RYK: variants seen among roughly 807,000 people sequenced by gnomAD.
RYK encodes inactive tyrosine-protein kinase RYK.
RYK carries 21 observed loss-of-function variants against 70.2 expected under a neutral mutation model. The ratio of observed to expected loss-of-function variants is 0.30; its 90% CI spans 0.21 to 0.43. The LOEUF (loss-of-function observed/expected upper bound fraction) is 0.43, where lower values mean the gene tolerates loss of function less well. Among genes scored for constraint, RYK ranks in the 20% least tolerant of loss-of-function variants. RYK has a pLI of 1.00. For synonymous variants in RYK, 267 were observed against 278.0 expected (o/e 0.96, Z 0.39); for missense variants, 604 against 753.3 (o/e 0.80, Z 2.32).
At chr3:134,234,042 A>G (rs1158358490) in intron 1 of RYK, among the ~76,000 whole-genome samples, 3 of 152,148 alleles carry the variant, frequency 2.0e-5, no homozygotes, top group Non-Finnish European at 4.4e-5. Flanking sequence ...GAATATAAAT[A>G]GTGGATTATG....
intron 1 of RYK, among the ~76,000 whole-genome samples, chr3:134,238,438 ACAACATAAATATACCCCTTCTT>A (rs1373934460): frequency 6.6e-6 from 1 of 152,194 alleles, no homozygotes; most frequent in Non-Finnish European, 1.5e-5. Context: ...ACAACAGCAG[ACAACATAAATATACCCCTTCTT>A]CCCCTCCGTC....
intron 13 of RYK, among the ~76,000 whole-genome samples, chr3:134,160,763 G>C (rs527314542): frequency 6.6e-6 from 1 of 152,310 alleles, no homozygotes; most frequent in African/African-American, 2.4e-5. Flanking sequence ...GCTGAAGCAG[G>C]AGAATCGCTT....
intron 9 of RYK, among the ~76,000 whole-genome samples, chr3:134,187,883 T>C (rs2013519564): frequency 1.3e-5 from 2 of 152,028 alleles, no homozygotes; most frequent in African/African-American, 4.8e-5. Context: ...TATTTAAGCT[T>C]TCACAAGCAT....
At chr3:134,187,855 C>T (rs1348746921) in intron 9 of RYK, among the ~76,000 whole-genome samples, 1 of 151,886 alleles carries the variant, frequency 6.6e-6, no homozygotes, top group Non-Finnish European at 1.5e-5. Flanking sequence ...CCACTGCACC[C>T]AGCTCTTAAT....
intron 1 of RYK, among the ~76,000 whole-genome samples, chr3:134,238,956 A>G (rs141245396): frequency 6.6e-6 from 1 of 152,258 alleles, no homozygotes; most frequent in East Asian, 1.9e-4. Context: ...ACATCCTCCA[A>G]TTGTAGCGTG....
chr3:134,169,836 T>C (rs1046133115), intron 13 of RYK, among the ~76,000 whole-genome samples: 2 of 152,178 alleles, frequency 1.3e-5, no homozygotes, highest in African/African-American at 4.8e-5. Context: ...GTATTTCACA[T>C]GTGTATAGAC....
At chr3:134,196,947 T>C (rs2013837409) in intron 6 of RYK, among the ~76,000 whole-genome samples, 1 of 152,190 alleles carries the variant, frequency 6.6e-6, no homozygotes, top group African/African-American at 2.4e-5. Flanking sequence ...CCCCCCAGCA[T>C]GCCTTCCCTG....
At chr3:134,161,797 GTT>G (rs2012479825) in intron 13 of RYK, among the ~76,000 whole-genome samples, 3 of 151,052 alleles carry the variant, frequency 2.0e-5, no homozygotes, top group Non-Finnish European at 4.4e-5. Flanking sequence ...ACTCAACACT[GTT>G]TGGTGAATTC....
intron 6 of RYK, among the ~76,000 whole-genome samples, chr3:134,200,293 A>G (rs1234834553): frequency 3.3e-5 from 5 of 152,170 alleles, no homozygotes; most frequent in Non-Finnish European, 4.4e-5. Flanking sequence ...TGAGACCACG[A>G]ACCCACCAGG....
chr3:134,241,525 T>C (rs955113794), intron 1 of RYK, among the ~76,000 whole-genome samples: 1 of 152,204 alleles, frequency 6.6e-6, no homozygotes, highest in African/African-American at 2.4e-5. Flanking sequence ...GGTTCTGATT[T>C]CAGAGACGTT....
chr3:134,238,979 A>G (rs963742166), intron 1 of RYK, among the ~76,000 whole-genome samples: 4 of 152,136 alleles, frequency 2.6e-5, no homozygotes, highest in Admixed American at 1.3e-4. Context: ...CCAACAGTCT[A>G]TTGAGAGACT....
chr3:134,199,695 T>C (rs1485038875), intron 6 of RYK, among the ~76,000 whole-genome samples: 1 of 152,162 alleles, frequency 6.6e-6, no homozygotes, highest in Non-Finnish European at 1.5e-5. Context: ...TGGTCACCAC[T>C]GTTAGCTTGC....
chr3:134,161,013 G>A (rs2012451547), intron 13 of RYK, among the ~76,000 whole-genome samples: 2 of 152,320 alleles, frequency 1.3e-5, no homozygotes, highest in South Asian at 4.1e-4. Flanking sequence ...AGTTCTTCAT[G>A]TGGAAAGAAA....
At chr3:134,222,567 A>C (rs2014775625) in intron 1 of RYK, 28 bp from the exon 2 acceptor site, 1 of 1,487,930 alleles carries the variant, frequency 6.7e-7, no homozygotes, top group Admixed American at 1.9e-5. Flanking sequence ...AAAAATAATT[A>C]AACACTTAAA....
In RYK at chr3:134,191,898, A is replaced by G. The variant is rs1432001911; in HGVS notation, c.966T>C (p.Asp322=). The change falls in exon 8 of 15, where the codon GAT becomes GAC. Residue 322 remains aspartate, a synonymous_variant. Coordinates refer to ENST00000623711, the MANE Select transcript of RYK (RefSeq NM_002958.4). The part of the protein sequence containing the change: ...TLLEAKGKVK[D]IAISRERITL... Reference sequence around the variant, plus strand: ...TTATCCTCTCTCTGGATATTGCTATATCCTTCACCTTGCCTTTGGCCTCCA... The same window carrying G: ...TTATCCTCTCTCTGGATATTGCTATGTCCTTCACCTTGCCTTTGGCCTCCA... The G allele has an allele frequency of 1.2e-6, 2 of 1,612,968 alleles. No individual in the cohort carries two copies. Among genetic ancestry groups the G allele is most frequent in the East Asian group, 2.2e-5 (1 of 44,854 alleles).
chr3:134,184,150 T>C (rs2013388334), intron 9 of RYK, among the ~76,000 whole-genome samples: 3 of 152,210 alleles, frequency 2.0e-5, no homozygotes, highest in Admixed American at 1.3e-4. Flanking sequence ...AAAGAACTAA[T>C]AATACAGTAG....
chr3:134,183,367 C>G (rs574548773), intron 9 of RYK: 2 of 180,204 alleles, frequency 1.1e-5, no homozygotes, highest in Admixed American at 6.2e-5. Context: ...TGCTAACTTC[C>G]TTTTTTCCTA....
intron 9 of RYK, among the ~76,000 whole-genome samples, chr3:134,186,091 C>T (rs2013449243): frequency 6.6e-6 from 1 of 152,014 alleles, no homozygotes; most frequent in African/African-American, 2.4e-5. Flanking sequence ...TTTTTAAAAA[C>T]AAACACTTGC....
Position 134,159,280 on chromosome 3 carries a change from C to T in RYK, c.1669G>A (p.Asp557Asn). Residue 557 changes from aspartate (D) to asparagine (N), a missense_variant, in exon 14 of 15, where the codon GAT becomes AAT. Physicochemically the swap from Asp to Asn is conservative, Grantham distance 23. Coordinates refer to ENST00000623711, the MANE Select transcript of RYK (RefSeq NM_002958.4). ...DPFEMAAYLK[D>N]GYRIAQPINC... ...ATTGGCTGGGCTATTCGGTAACCAT[C>T]TTTCAGGTATGCGGCCATCTCGAAG... The T allele has an allele frequency of 6.2e-7, 1 of 1,613,914 alleles. No individual in the cohort carries two copies. The highest frequency in any genetic ancestry group is 8.5e-7 in the Non-Finnish European group (1 of 1,179,854).
Sources: allele counts gnomAD v4.1 joint callset (sites outside exome capture counted in the v4.1 genomes callset), GRCh38; gene constraint gnomAD v4.1.1; transcripts MANE v1.5; gene names NCBI Gene and HGNC (gene_info 2026-07-23, HGNC 2026-07-21).